ZDHHC1: variants seen among roughly 807,000 people sequenced by gnomAD.
ZDHHC1 encodes the protein palmitoyltransferase ZDHHC1.
ZDHHC1 carries 45 observed loss-of-function variants against 46.9 expected under a neutral mutation model. The ratio of observed to expected loss-of-function variants is 0.96; its 90% CI spans 0.76 to 1.23. The LOEUF (loss-of-function observed/expected upper bound fraction) is 1.23, where lower values mean the gene tolerates loss of function less well. Ranked by LOEUF, ZDHHC1 falls within the 50% of genes most tolerant of loss-of-function variation. ZDHHC1 has a pLI of 0.00. For synonymous variants in ZDHHC1, 291 were observed against 286.0 expected (o/e 1.02, Z -0.18); for missense variants, 649 against 670.8 (o/e 0.97, Z 0.36).
chr16:67,410,617 T>G (rs1047954729), intron 1 of ZDHHC1, among the ~76,000 whole-genome samples: 4 of 151,482 alleles, frequency 2.6e-5, no homozygotes, highest in Non-Finnish European at 5.9e-5. Context: ...GATGGTGTTT[T>G]CAATATAAGG....
chr16:67,411,835 G>A lies in ZDHHC1; in HGVS notation c.-38-4022C>T, dbSNP rs902197979. 5.3e-5 allele frequency among the ~76,000 whole-genome samples: 8 copies of A among 152,204 alleles called. No homozygotes were observed. In the South Asian group the frequency reaches 8.3e-4, roughly 16 times the overall value. The stretch of plus-strand genomic sequence containing the variant: ...CAAGTGAATGAAAACAAAGGGGGCC[G>A]GGCGCGGTGGCTCACGCCTGTAATC... On this transcript the variant is annotated intron_variant, in intron 1 of 11. Transcript: ENST00000565726.
intron 1 of ZDHHC1, among the ~76,000 whole-genome samples, chr16:67,414,395 C>T (rs2040800127): frequency 1.3e-5 from 2 of 152,224 alleles, no homozygotes. Flanking sequence ...GCAGAGACCA[C>T]CCCTCACCCG....
rs771717124 is a variant in ZDHHC1 at position 67,398,716 on chromosome 16, G to A, written c.671C>T (p.Thr224Met). 7.5e-6 allele frequency: 12 copies of A among 1,609,424 alleles called. No individual in the cohort carries two copies. The East Asian group carries it at 1.1e-4, about 15-fold the overall frequency. The change falls in exon 7 of 12, where the codon ACG becomes ATG. Residue 224 changes from threonine to methionine, a missense_variant. By Grantham distance (81) the Thr-to-Met change is moderately conservative. Coordinates refer to ENST00000565726, the MANE Select transcript of ZDHHC1 (RefSeq NM_001323627.2). ...NRHFEVLKNH[T>M]DVWFVFLPAA... is the part of the protein sequence containing the mutation. ...AGGCAGGAACACGAACCACACATCC[G>A]TGTGATTCTTCAGGACTGCAAGGCA... is the stretch of plus-strand genomic sequence containing the variant.
At chr16:67,398,529 T>C (rs994701088) in intron 7 of ZDHHC1, 44 bp downstream of exon 7, 2 of 1,559,200 alleles carry the variant, frequency 1.3e-6, no homozygotes, top group African/African-American at 2.7e-5. Flanking sequence ...TCCTGCAATC[T>C]GAGGACCCCT....
In ZDHHC1 at chr16:67,406,504, C is replaced by G; in HGVS notation, c.10-62G>C. 2.8e-6 allele frequency: 4 copies of G among 1,446,672 alleles called. No individual in the cohort carries two copies. Among genetic ancestry groups the G allele is most frequent in the Non-Finnish European group, 3.6e-6 (4 of 1,099,618 alleles). 89.6% of individuals were successfully genotyped at this position (1,446,672 alleles called of 1,614,324 possible). ...AAGAAGCTGGGCTGGAGCCCAGGGC[C>G]TGTGTCTGCAGCCAAGTTTCAGCAC... On this transcript the variant is annotated intron_variant, in intron 2 of 11. Transcript: ENST00000565726. This position sits in a 1 kb window ranked among gnomAD's most constrained non-coding sequence, Gnocchi z 4.1.
chr16:67,412,805 C>CTT (rs561579879), intron 1 of ZDHHC1, among the ~76,000 whole-genome samples: 1 of 146,592 alleles, frequency 6.8e-6, no homozygotes, highest in African/African-American at 2.5e-5. Flanking sequence ...TTTTCTTTCA[C>CTT]TTTTTTTTTT....
At position 67,410,644 on chromosome 16, in the gene ZDHHC1, AATTATT is replaced by A. The variant is rs58905759; in HGVS notation, c.-38-2837_-38-2832del. On this transcript the variant is annotated intron_variant, in intron 1 of 11. Transcript: ENST00000565726. ...AATATAAGGTTAGGCTACCTTAATT[AATTATT>A]ATTATTATTATTATTATTATTATTG... is the stretch of plus-strand genomic sequence containing the variant. 1.8e-3 allele frequency among the ~76,000 whole-genome samples: 260 copies of A among 147,676 alleles called. 1 individual carries two copies. Among genetic ancestry groups the A allele is most frequent in the African/African-American group, 4.7e-3 (188 of 40,212 alleles).
At chr16:67,403,516 G>T (rs2040592277) in intron 3 of ZDHHC1, among the ~76,000 whole-genome samples, 1 of 152,172 alleles carries the variant, frequency 6.6e-6, no homozygotes, top group Admixed American at 6.5e-5. Context: ...GGAAACAGAA[G>T]AGGACAGGGA....
chr16:67,396,845 G>A (rs560543570), intron 8 of ZDHHC1, among the ~76,000 whole-genome samples: 52 of 152,216 alleles, frequency 3.4e-4, no homozygotes, highest in African/African-American at 9.6e-4. Context: ...GGCTCCAGAG[G>A]GGGGAGCAGA....
At chr16:67,400,876 T>C (rs2040538017) in intron 4 of ZDHHC1, 81 bp downstream of exon 4, 1 of 1,509,530 alleles carries the variant, frequency 6.6e-7, no homozygotes, top group Admixed American at 1.8e-5. Flanking sequence ...GCATCAGGGA[T>C]GTCTGTGAAG....
At chr16:67,412,166 C>T (rs1479597345) in intron 1 of ZDHHC1, among the ~76,000 whole-genome samples, 6 of 151,718 alleles carry the variant, frequency 4.0e-5, no homozygotes, top group African/African-American at 9.7e-5. Context: ...CATTCCTATA[C>T]GCACAGATTT....
At position 67,406,398 on chromosome 16, in the gene ZDHHC1, C is replaced by A; in HGVS notation, c.54G>T (p.Lys18Asn). The change falls in exon 3 of 12, where the codon AAG (lysine) becomes AAT (asparagine). Residue 18 changes from lysine to asparagine, a missense_variant. By Grantham distance (94) the Lys-to-Asn change is moderately conservative. Transcript: ENST00000565726. This position sits in a 1 kb window ranked among gnomAD's most constrained non-coding sequence, Gnocchi z 4.1. The part of the protein sequence containing the change: ...NKPSNKTAPE[K>N]SVWTAPAQPS... Reference sequence around the variant, plus strand: ...GCTGTGCCGGTGCCGTCCACACACTCTTCTCAGGGGCCGTCTTGTTGGAGG... The same window carrying A: ...GCTGTGCCGGTGCCGTCCACACACTATTCTCAGGGGCCGTCTTGTTGGAGG... The A allele has an allele frequency of 1.3e-6, 2 of 1,573,872 alleles. No homozygotes were observed. Among genetic ancestry groups the A allele is most frequent in the Non-Finnish European group, 1.7e-6 (2 of 1,159,290 alleles).
intron 5 of ZDHHC1, 43 bp downstream of exon 5, chr16:67,399,312 G>A (rs761044394): frequency 2.6e-6 from 4 of 1,551,164 alleles, no homozygotes; most frequent in Non-Finnish European, 3.5e-6. Context: ...CCCACCCTCA[G>A]ACAGTGCATC....
chr16:67,407,867 C>A, intron 1 of ZDHHC1, 54 bp from the exon 2 acceptor site: 1 of 744,728 alleles, frequency 1.3e-6, no homozygotes, highest in South Asian at 1.4e-5. Flanking sequence ...CTGGTCCACC[C>A]TAAGCCATCT....
At chr16:67,416,139 C>T (rs371893816) in intron 1 of ZDHHC1, 32 bp downstream of exon 1, 1 of 152,428 alleles carries the variant, frequency 6.6e-6, no homozygotes, top group East Asian at 1.9e-4. Flanking sequence ...AAGCCAGGCT[C>T]CGAGGTGAGA....
intron 3 of ZDHHC1, among the ~76,000 whole-genome samples, chr16:67,403,863 G>A (rs968008538): frequency 3.3e-5 from 5 of 152,106 alleles, no homozygotes; most frequent in African/African-American, 9.7e-5. Flanking sequence ...ATCCATCCGC[G>A]TCGGTCTCCC....
In ZDHHC1 at chr16:67,394,991, G is replaced by A; in HGVS notation, c.1165+11C>T. ...TCCCAGAGCAGGACCCGGACAGGGA[G>A]AGGCGCTCACCCGACGCCGGATCCG... On this transcript the variant is annotated intron_variant, in intron 11 of 11. Coordinates refer to ENST00000565726, the MANE Select transcript of ZDHHC1 (RefSeq NM_001323627.2). 1 of 1,605,650 alleles carries A rather than the reference G, an allele frequency of 6.2e-7. No homozygotes were observed. Among genetic ancestry groups the A allele is most frequent in the South Asian group, 1.1e-5 (1 of 90,232 alleles).
rs1226515219 is a variant in ZDHHC1, at chr16:67,398,925, C to T, written c.550G>A (p.Ala184Thr). ...AGCAGGACGCCCAGTAAAGCGGATG[C>T]AACACTGTGTAGAAAGAGCCTGGGC... The part of the protein sequence containing the change: ...RNYRLFLHSV[A>T]SALLGVLLLV... Residue 184 changes from alanine to threonine, a missense_variant, in exon 6 of 12, where the codon GCA becomes ACA. Ala to Thr is a moderately conservative substitution (Grantham distance 58, BLOSUM62 0). Transcript: ENST00000565726. 2.5e-6 allele frequency: 4 copies of T among 1,613,012 alleles called. No individual in the cohort carries two copies. The highest frequency in any genetic ancestry group is 2.5e-6 in the Non-Finnish European group (3 of 1,179,642).
intron 8 of ZDHHC1, among the ~76,000 whole-genome samples, chr16:67,396,624 C>T (rs907523312): frequency 1.3e-5 from 2 of 152,188 alleles, no homozygotes; most frequent in African/African-American, 4.8e-5. Flanking sequence ...GCCCAGCCAG[C>T]GGCCCCGCCC....
Sources: gnomAD v4.1 joint callset for allele counts (sites outside exome capture counted in the v4.1 genomes callset) on GRCh38, gnomAD v4.1.1 for gene constraint, Gnocchi (gnomAD v3.1) non-coding constraint, MANE v1.5 for transcripts, NCBI Gene and HGNC (gene_info 2026-07-23, HGNC 2026-07-21) for gene names.